The following CEP83 variants were observed in gnomAD, a reference collection of about 807,000 sequenced individuals.
CEP83 encodes the protein centrosomal protein 83.
In CEP83, 70 loss-of-function variants were observed where a neutral mutation model predicts 101.9. The ratio of observed to expected loss-of-function variants is 0.69; its 90% CI spans 0.57 to 0.84. The LOEUF (loss-of-function observed/expected upper bound fraction) is 0.84, where lower values mean the gene tolerates loss of function less well. CEP83 is among the 40% of genes least tolerant of loss of function. The pLI, the probability that CEP83 is intolerant of heterozygous loss-of-function variation, is 0.00. For synonymous variants in CEP83, 264 were observed against 267.9 expected (o/e 0.99, Z 0.14); for missense variants, 715 against 787.2 (o/e 0.91, Z 1.10).
At position 94,310,111 on chromosome 12, in the gene CEP83, AAAAAG is replaced by A. The variant is rs769434742; in HGVS notation, c.1812-9_1812-5del. 4.8e-6 allele frequency: 7 copies of A among 1,453,164 alleles called. No individual in the cohort carries two copies. Among genetic ancestry groups the A allele is most frequent in the Non-Finnish European group, 5.7e-6 (6 of 1,050,834 alleles). 90.0% of individuals were successfully genotyped at this position (1,453,164 alleles called of 1,614,324 possible). A position where few individuals can be genotyped will look rare whatever the true frequency, so the allele number is the denominator to read the frequency against. On this transcript the variant is annotated splice_polypyrimidine_tract_variant and splice_region_variant and intron_variant, in intron 15 of 16. Transcript: ENST00000397809. ...GTCTTCAAAAGGAACATTTTGTCTT[AAAAAG>A]AAAAAGAAATGTTTCTTTAACATGG...
intron 1 of CEP83, among the ~76,000 whole-genome samples, chr12:94,441,692 G>A (rs1430404270): frequency 2.0e-5 from 3 of 152,088 alleles, no homozygotes; most frequent in African/African-American, 7.2e-5. Context: ...GAGGCGGGTG[G>A]ATCACAAGGC....
the CEP83 span, among the ~76,000 whole-genome samples, chr12:94,294,273 A>T: frequency 6.6e-6 from 1 of 151,984 alleles, no homozygotes; most frequent in Admixed American, 6.6e-5. Context: ...AGCCTCCTCC[A>T]CAGGACCATG....
At chr12:94,279,293 C>T in the CEP83 span, among the ~76,000 whole-genome samples, 1 of 152,130 alleles carries the variant, frequency 6.6e-6, no homozygotes, top group African/African-American at 2.4e-5. Flanking sequence ...TTTTCCCTTC[C>T]ATTATCCCTG....
chr12:94,279,625 C>A, the CEP83 span: 2 of 1,614,194 alleles, frequency 1.2e-6, no homozygotes, highest in Non-Finnish European at 1.7e-6. Context: ...TCCTTATGGA[C>A]TTCAGCTTAA....
intron 6 of CEP83, among the ~76,000 whole-genome samples, chr12:94,389,185 T>C (rs973297429): frequency 6.6e-6 from 1 of 152,194 alleles, no homozygotes; most frequent in Non-Finnish European, 1.5e-5. Flanking sequence ...AAACTATATA[T>C]AAAGTGTTTC....
At chr12:94,366,355 T>C (rs561671237) in intron 11 of CEP83, among the ~76,000 whole-genome samples, 1 of 152,326 alleles carries the variant, frequency 6.6e-6, no homozygotes. Context: ...ATTTTGACTA[T>C]ATACTCTAAG....
intron 5 of CEP83, among the ~76,000 whole-genome samples, chr12:94,401,747 G>C (rs1360262180): frequency 6.6e-6 from 1 of 152,052 alleles, no homozygotes; most frequent in Non-Finnish European, 1.5e-5. Context: ...TTTTACTGCA[G>C]ATATACTTTG....
the CEP83 span, among the ~76,000 whole-genome samples, chr12:94,267,180 C>T: frequency 5.3e-5 from 8 of 152,164 alleles, no homozygotes; most frequent in Admixed American, 1.3e-4. Flanking sequence ...TGATTATAGT[C>T]GGGAATCCTC....
the CEP83 span, among the ~76,000 whole-genome samples, chr12:94,282,625 A>G: frequency 6.6e-6 from 1 of 152,160 alleles, no homozygotes; most frequent in East Asian, 1.9e-4. Context: ...ATGATTTTCT[A>G]TCTCCTGAAC....
chr12:94,286,900 T>C, the CEP83 span, among the ~76,000 whole-genome samples: 1 of 152,150 alleles, frequency 6.6e-6, no homozygotes, highest in Admixed American at 6.5e-5. Flanking sequence ...CTAGAGGGGA[T>C]TTGAGGGCAT....
chr12:94,297,464 G>T, the CEP83 span: 1 of 1,337,258 alleles, frequency 7.5e-7, no homozygotes, highest in Non-Finnish European at 1.1e-6. Context: ...GCTACCTAGG[G>T]GGTGTATGAT....
the CEP83 span, among the ~76,000 whole-genome samples, chr12:94,273,074 G>A: frequency 2.0e-5 from 3 of 152,172 alleles, no homozygotes; most frequent in Non-Finnish European, 4.4e-5. Context: ...CTCTGGTCTC[G>A]GTTTCCTCAT....
chr12:94,389,218 G>T (rs2062361138), intron 6 of CEP83, among the ~76,000 whole-genome samples: 1 of 152,070 alleles, frequency 6.6e-6, no homozygotes, highest in Non-Finnish European at 1.5e-5. Flanking sequence ...AAAGGTAAAT[G>T]GGTCTCCTGT....
chr12:94,427,109 A>T (rs2065261059), intron 2 of CEP83, among the ~76,000 whole-genome samples: 1 of 152,240 alleles, frequency 6.6e-6, no homozygotes, highest in African/African-American at 2.4e-5. Context: ...AAAATTTCTA[A>T]CACAATTTTA....
At chr12:94,350,947 CAT>C (rs1048776463) in intron 11 of CEP83, among the ~76,000 whole-genome samples, 4 of 152,036 alleles carry the variant, frequency 2.6e-5, no homozygotes, top group African/African-American at 9.7e-5. Flanking sequence ...ATCAAAAAAA[CAT>C]GAGGAAGACA....
chr12:94,278,710 T>A, the CEP83 span, among the ~76,000 whole-genome samples: 1 of 152,084 alleles, frequency 6.6e-6, no homozygotes, highest in Admixed American at 6.5e-5. Flanking sequence ...AAAAGTGACC[T>A]CTTTGGGCCG....
intron 14 of CEP83, among the ~76,000 whole-genome samples, chr12:94,322,421 A>G (rs1307574733): frequency 6.6e-6 from 1 of 152,158 alleles, no homozygotes; most frequent in Non-Finnish European, 1.5e-5. Context: ...ATTCAAGTAA[A>G]AAAGCAGTCT....
chr12:94,403,400 T>A, intron 4 of CEP83, 138 bp from the exon 5 acceptor site: 1 of 512,584 alleles, frequency 2.0e-6, no homozygotes, highest in South Asian at 3.0e-5. Flanking sequence ...GTGATCACTA[T>A]ACAAATAGAA....
chr12:94,383,397 T>C (rs968057984), intron 6 of CEP83, among the ~76,000 whole-genome samples: 4 of 152,060 alleles, frequency 2.6e-5, no homozygotes, highest in African/African-American at 9.7e-5. Context: ...TTATGATGGT[T>C]CAAGTTACAA....
Sources: allele counts gnomAD v4.1 joint callset (sites outside exome capture counted in the v4.1 genomes callset), GRCh38; gene constraint gnomAD v4.1.1; transcripts MANE v1.5; gene names NCBI Gene and HGNC (gene_info 2026-07-23, HGNC 2026-07-21).